Variants in BTF3L4 observed in about 807,000 individuals in gnomAD.
The protein encoded by BTF3L4 is basic transcription factor 3 like 4.
BTF3L4 carries 6 observed loss-of-function variants against 16.8 expected under a neutral mutation model. The observed-to-expected ratio is 0.36, with a 90% CI of 0.20 to 0.71. The LOEUF (loss-of-function observed/expected upper bound fraction) is 0.71. Among genes scored for constraint, BTF3L4 ranks in the 30% least tolerant of loss-of-function variants. BTF3L4 has a pLI of 0.58. For synonymous variants in BTF3L4, 39 were observed against 59.8 expected, an observed-to-expected ratio of 0.65 and a Z score of 1.60; for missense variants, 92 against 186.9, an observed-to-expected ratio of 0.49 and a Z score of 2.96.
At chr1:52,066,503 G>A (rs12760626) in intron 3 of BTF3L4, among the ~76,000 whole-genome samples, 146,479 of 151,022 alleles carry the variant, frequency 0.97, 71,169 homozygotes, top group East Asian at 1. Context: ...CACCCAGCCA[G>A]TTCCATCTGT....
chr1:52,061,997 C>T (rs865939830), intron 2 of BTF3L4, among the ~76,000 whole-genome samples: 3 of 151,284 alleles, frequency 2.0e-5, no homozygotes, highest in African/African-American at 7.3e-5. Flanking sequence ...AGTGCAGTGG[C>T]GCAATCTCAG....
rs530041766 is a variant in BTF3L4, at chr1:52,082,766, A to G, written c.169-574A>G. 2.0e-5 allele frequency among the ~76,000 whole-genome samples: 3 copies of G among 152,042 alleles called. No individual in the cohort carries two copies. In the South Asian group the frequency reaches 6.2e-4, roughly 32 times the overall value. On this transcript the variant is annotated intron_variant, in intron 3 of 5. Coordinates refer to ENST00000313334, the MANE Select transcript of BTF3L4 (RefSeq NM_152265.5). ...AAAAAAAAAAAAAATTAGAAGAACT[A>G]GCAAAATCCCTTACAAAGAATGGCA...
At chr1:52,057,041 T>A (rs1686384531) in intron 1 of BTF3L4, among the ~76,000 whole-genome samples, 1 of 152,192 alleles carries the variant, frequency 6.6e-6, no homozygotes, top group Non-Finnish European at 1.5e-5. Context: ...CTGTGAACCA[T>A]TCCCTGTGGT....
rs564985815 is a variant in BTF3L4, at chr1:52,059,298, A to G, written c.-13-537A>G. 2.6e-5 allele frequency among the ~76,000 whole-genome samples: 4 copies of G among 152,296 alleles called. No individual in the cohort carries two copies. The South Asian group carries it at 8.3e-4, about 32-fold the overall frequency. ...CATCTGACCTTGAATAGAGGACATG[A>G]CTACTTGATATCTTGACAGCTAGAC... On this transcript the variant is annotated intron_variant, in intron 1 of 5. Transcript: ENST00000313334.
rs80222540 is a variant in BTF3L4 at position 52,069,795 on chromosome 1, T to C, written c.168+4857T>C. Among the ~76,000 whole-genome samples, 728 of 152,324 alleles carry C rather than the reference T, an allele frequency of 4.8e-3. 13 individuals carry two copies. In the South Asian group the frequency reaches 0.054, roughly 11 times the overall value. ...TTGAATGCACTTAGGCCAAGTAAAG[T>C]GTTTCTCCATACCCCTAATTTTCTA... is the stretch of plus-strand genomic sequence containing the variant. On this transcript the variant is annotated intron_variant, in intron 3 of 5. Transcript: ENST00000313334.
Position 52,086,013 on chromosome 1 carries a change from A to C in BTF3L4, c.371-99A>C, listed in dbSNP as rs115317461. 247 of 659,946 alleles carry C rather than the reference A, an allele frequency of 3.7e-4. 2 individuals carry two copies. The African/African-American group carries it at 4.3e-3, about 12-fold the overall frequency. 40.9% of individuals were successfully genotyped at this position (659,946 alleles called of 1,614,324 possible). On this transcript the variant is annotated intron_variant, in intron 4 of 5. Transcript: ENST00000313334. ...TGACAATATTTAGCTATTTCTGAGC[A>C]ACTCTGTGTGATTTATACAGGAAAA...
intron 3 of BTF3L4, among the ~76,000 whole-genome samples, chr1:52,072,917 G>A (rs890645351): frequency 1.6e-4 from 24 of 152,204 alleles, no homozygotes; most frequent in Non-Finnish European, 3.4e-4. Flanking sequence ...AATTAGCCAC[G>A]TGTGGTGGCG....
Position 52,074,579 on chromosome 1 carries a change from C to G in BTF3L4, c.169-8761C>G, listed in dbSNP as rs186148500. 2.0e-3 allele frequency among the ~76,000 whole-genome samples: 300 copies of G among 152,178 alleles called. 6 individuals carry two copies. Among genetic ancestry groups the G allele is most frequent in the Admixed American group, 0.017 (260 of 15,270 alleles). On this transcript the variant is annotated intron_variant, in intron 3 of 5. Coordinates refer to ENST00000313334, the MANE Select transcript of BTF3L4 (RefSeq NM_152265.5). ...GTTTCTCCATGTTGGTCAGGCTGGT[C>G]TTGAACTCCTGACCTCAGGTGATCC...
chr1:52,074,637 C>G (rs572949825), intron 3 of BTF3L4, among the ~76,000 whole-genome samples: 1 of 152,028 alleles, frequency 6.6e-6, no homozygotes, highest in South Asian at 2.1e-4. Context: ...GCTAGGATTA[C>G]AGGTGTAAGC....
chr1:52,083,452 T>C lies in BTF3L4; in HGVS notation c.281T>C (p.Ile94Thr). 6.2e-7 allele frequency: 1 copy of C among 1,612,532 alleles called. No individual in the cohort carries two copies. The highest frequency in any genetic ancestry group is 8.5e-7 in the Non-Finnish European group (1 of 1,178,772). ...AITGHAEAKP[I>T]TEMLPGILSQ... ...ACTGGTCATGCAGAAGCCAAACCAA[T>C]CACAGAAATGCTTCCTGGAATATTA... Residue 94 changes from isoleucine to threonine, a missense_variant, in exon 4 of 6, where the codon ATC becomes ACC. Physicochemically the swap from Ile to Thr is moderately conservative, Grantham distance 89. Transcript: ENST00000313334.
At chr1:52,063,157 G>T (rs1558004502) in intron 2 of BTF3L4, among the ~76,000 whole-genome samples, 3 of 152,162 alleles carry the variant, frequency 2.0e-5, no homozygotes, top group Non-Finnish European at 2.9e-5. Flanking sequence ...GTGACTGATG[G>T]GATATGGGGG....
At chr1:52,061,184 G>A (rs1350510370) in intron 2 of BTF3L4, among the ~76,000 whole-genome samples, 1 of 152,172 alleles carries the variant, frequency 6.6e-6, no homozygotes. Context: ...ATCACTAGGC[G>A]AAAAGGTAAT....
chr1:52,078,229 C>CTTTTTT (rs376320702), intron 3 of BTF3L4, among the ~76,000 whole-genome samples: 1 of 132,166 alleles, frequency 7.6e-6, no homozygotes, highest in Non-Finnish European at 1.6e-5. Context: ...ATTGCTTTTG[C>CTTTTTT]TTTTTTTTTT....
At chr1:52,084,181 C>T (rs886072347) in intron 4 of BTF3L4, among the ~76,000 whole-genome samples, 5 of 151,820 alleles carry the variant, frequency 3.3e-5, no homozygotes, top group Non-Finnish European at 7.4e-5. Flanking sequence ...GCTCTGTCTC[C>T]CAGGCTGAAG....
chr1:52,073,489 T>TACACAC (rs1290065151), intron 3 of BTF3L4, among the ~76,000 whole-genome samples: 1 of 76,884 alleles, frequency 1.3e-5, no homozygotes, highest in African/African-American at 5.1e-5. Flanking sequence ...ATATATATGC[T>TACACAC]ACATACACAC....
At chr1:52,065,561 C>T (rs996183909) in intron 3 of BTF3L4, among the ~76,000 whole-genome samples, 2 of 151,992 alleles carry the variant, frequency 1.3e-5, no homozygotes, top group Non-Finnish European at 2.9e-5. Context: ...CCACCGCGCC[C>T]GGCCAGACTT....
rs946848445 is a variant in BTF3L4, at chr1:52,073,497, C to T, written c.168+8559C>T. Among the ~76,000 whole-genome samples, 193 of 117,066 alleles carry T rather than the reference C, an allele frequency of 1.6e-3. 6 individuals are homozygous for T. The East Asian group carries it at 0.041, about 25-fold the overall frequency. 76.8% of individuals were successfully genotyped at this position (117,066 alleles called of 152,430 possible). A position where few individuals can be genotyped will look rare whatever the true frequency, so the allele number is the denominator to read the frequency against. On this transcript the variant is annotated intron_variant, in intron 3 of 5. Coordinates refer to ENST00000313334, the MANE Select transcript of BTF3L4 (RefSeq NM_152265.5). The stretch of plus-strand genomic sequence containing the variant: ...ATGCACTATATATATGCTACATACA[C>T]ACACACACACACACACACACACACA...
chr1:52,086,864 A>G lies in BTF3L4; in HGVS notation c.*106A>G, dbSNP rs1643977266. On this transcript the variant is annotated 3_prime_UTR_variant, in exon 6 of 6. Coordinates refer to ENST00000313334, the MANE Select transcript of BTF3L4 (RefSeq NM_152265.5). Reference sequence around the variant, plus strand: ...CATCACCTGTTACTAGTTCAGTAATATAAATATTTTGTATATTAATAATGC... The same window carrying G: ...CATCACCTGTTACTAGTTCAGTAATGTAAATATTTTGTATATTAATAATGC... The G allele has an allele frequency of 3.3e-6, 2 of 597,748 alleles. No homozygotes were observed. The highest frequency in any genetic ancestry group is 5.7e-6 in the Non-Finnish European group (2 of 349,074). The allele number at this position is 597,748 out of a possible 1,614,324, so 37.0% of individuals were successfully genotyped here.
intron 3 of BTF3L4, among the ~76,000 whole-genome samples, chr1:52,082,047 G>C (rs145608921): frequency 7.2e-5 from 11 of 152,242 alleles, no homozygotes; most frequent in African/African-American, 2.2e-4. Context: ...GTAGCCAAGA[G>C]TTAACTCTTC....
Sources: gnomAD v4.1 joint callset for allele counts (sites outside exome capture counted in the v4.1 genomes callset) on GRCh38, gnomAD v4.1.1 for gene constraint, MANE v1.5 for transcripts, NCBI Gene and HGNC (gene_info 2026-07-23, HGNC 2026-07-21) for gene names.